Variants in RBFOX1 observed in about 807,000 individuals in gnomAD.
RBFOX1 encodes the protein RNA binding fox-1 homolog 1.
In RBFOX1, 8 loss-of-function variants were observed where a neutral mutation model predicts 57.7. That is an observed-to-expected ratio of 0.14 (90% CI 0.08 to 0.25). The LOEUF (loss-of-function observed/expected upper bound fraction) is 0.25, where lower values mean the gene tolerates loss of function less well. Among genes scored for constraint, RBFOX1 ranks in the 10% least tolerant of loss-of-function variants. The probability of loss-of-function intolerance (pLI) is 1.00; values close to 1 mark genes in which losing one functional copy is unlikely to be tolerated. For synonymous variants in RBFOX1, 326 were observed against 222.4 expected, an observed-to-expected ratio of 1.47 and a Z score of -4.15; for missense variants, 611 against 548.5, an observed-to-expected ratio of 1.11 and a Z score of -1.14.
chr16:5,576,316 G>A (rs1003427613), intron 2 of RBFOX1, among the ~76,000 whole-genome samples: 1 of 152,040 alleles, frequency 6.6e-6, no homozygotes, highest in African/African-American at 2.4e-5. Flanking sequence ...TTTTGATGGG[G>A]TCCTGTTAAG....
At position 7,060,820 on chromosome 16, in the gene RBFOX1, T is replaced by G. The variant is rs2054011488; in HGVS notation, c.27+8722T>G. ...AGAAAAGTCTGGTAAGTTCCCTCTC[T>G]GGATTGTTCTGTCCTCAAAAGCATT... On this transcript the variant is annotated intron_variant, in intron 4 of 15. Coordinates refer to ENST00000550418, the MANE Select transcript of RBFOX1 (RefSeq NM_018723.4). Among the ~76,000 whole-genome samples the G allele has an allele frequency of 2.6e-5, 4 of 152,216 alleles. No homozygotes were observed. The South Asian group carries it at 8.3e-4, about 32-fold the overall frequency.
intron 3 of RBFOX1, among the ~76,000 whole-genome samples, chr16:6,660,411 A>T (rs1198764491): frequency 2.0e-5 from 3 of 152,096 alleles, no homozygotes; most frequent in Admixed American, 2.0e-4. Flanking sequence ...AAACATAAAA[A>T]AGTAATTCTT....
intron 3 of RBFOX1, among the ~76,000 whole-genome samples, chr16:6,779,020 A>G (rs958868581): frequency 6.6e-6 from 1 of 151,936 alleles, no homozygotes; most frequent in South Asian, 2.1e-4. Flanking sequence ...CAAACATTCC[A>G]AAACTACTAC....
At chr16:6,517,031 A>G (rs971066154) in intron 2 of RBFOX1, among the ~76,000 whole-genome samples, 1 of 152,162 alleles carries the variant, frequency 6.6e-6, no homozygotes, top group African/African-American at 2.4e-5. Flanking sequence ...CATCAACATA[A>G]TGAATGTTCC....
intron 4 of RBFOX1, among the ~76,000 whole-genome samples, chr16:7,158,981 C>T (rs761296680): frequency 3.3e-5 from 5 of 152,094 alleles, no homozygotes; most frequent in Non-Finnish European, 7.3e-5. Flanking sequence ...ACAGTTCCAT[C>T]ACCACAAGGA....
intron 3 of RBFOX1, among the ~76,000 whole-genome samples, chr16:6,930,690 G>T (rs2076359244): frequency 6.6e-6 from 1 of 152,148 alleles, no homozygotes; most frequent in South Asian, 2.1e-4. Context: ...GATTACAGGT[G>T]TTAGCCCCTG....
intron 4 of RBFOX1, among the ~76,000 whole-genome samples, chr16:7,334,353 C>G (rs886819022): frequency 3.9e-5 from 6 of 152,042 alleles, no homozygotes; most frequent in African/African-American, 7.2e-5. Context: ...ATACACAGGC[C>G]GGTATGATAA....
intron 4 of RBFOX1, among the ~76,000 whole-genome samples, chr16:7,091,331 T>C (rs1427836724): frequency 1.3e-5 from 2 of 152,126 alleles, no homozygotes; most frequent in Non-Finnish European, 2.9e-5. Context: ...TTCTTCACTT[T>C]ATCGTTTCAC....
rs377653141 is a variant in RBFOX1 at position 6,253,675 on chromosome 16, A to ATGTGTGTGTG, written c.-126-63304_-126-63295dup. On this transcript the variant is annotated intron_variant, in intron 1 of 15. Transcript: ENST00000550418. ...AAGAAATAGATGTGTGTGTGTGTGC[A>ATGTGTGTGTG]TGTGTGTGTGTGTGTGTGTGTGTGT... Among the ~76,000 whole-genome samples, 420 of 144,994 alleles carry ATGTGTGTGTG rather than the reference A, an allele frequency of 2.9e-3. 2 individuals are homozygous for ATGTGTGTGTG. Among genetic ancestry groups the ATGTGTGTGTG allele is most frequent in the Non-Finnish European group, 4.5e-3 (300 of 66,346 alleles).
chr16:5,736,295 G>C (rs1191159047), intron 3 of RBFOX1, among the ~76,000 whole-genome samples: 2 of 152,162 alleles, frequency 1.3e-5, no homozygotes, highest in Non-Finnish European at 2.9e-5. Context: ...TTAGAATTCT[G>C]AGCTGCCTCC....
intron 10 of RBFOX1, 91 bp from the exon 11 acceptor site, chr16:7,630,512 T>G: frequency 2.5e-6 from 4 of 1,570,612 alleles, no homozygotes; most frequent in Non-Finnish European, 3.4e-6. Context: ...ATGTTTTCAT[T>G]TCTCTGCATT....
intron 1 of RBFOX1, among the ~76,000 whole-genome samples, chr16:5,437,028 C>T (rs149256359): frequency 1.1e-3 from 168 of 152,254 alleles, no homozygotes; most frequent in Middle Eastern, 6.8e-3. Context: ...CTACAGGCTG[C>T]AAGAGACAGG....
intron 3 of RBFOX1, among the ~76,000 whole-genome samples, chr16:6,986,184 T>TTTTATTTATTTA (rs201088154): frequency 0.081 from 11,744 of 144,122 alleles, 563 homozygotes; most frequent in East Asian, 0.12. Flanking sequence ...CAATTTCTAT[T>TTTTATTTATTTA]TTTATTTATT....
At chr16:5,610,929 A>G (rs1391239131) in intron 3 of RBFOX1, among the ~76,000 whole-genome samples, 2 of 152,150 alleles carry the variant, frequency 1.3e-5, no homozygotes, top group Non-Finnish European at 2.9e-5. Context: ...CTGGCTGAGC[A>G]TTTTAACACT....
intron 1 of RBFOX1, among the ~76,000 whole-genome samples, chr16:6,246,076 C>T (rs2097567575): frequency 6.6e-6 from 1 of 152,060 alleles, no homozygotes; most frequent in Admixed American, 6.6e-5. Context: ...TAACAGAAAC[C>T]CAGTTTACAG....
At chr16:7,537,343 G>C (rs1282411157) in intron 5 of RBFOX1, among the ~76,000 whole-genome samples, 1 of 152,174 alleles carries the variant, frequency 6.6e-6, no homozygotes, top group Non-Finnish European at 1.5e-5. Flanking sequence ...ATTTGGGACG[G>C]TATAGTCCCT....
intron 3 of RBFOX1, among the ~76,000 whole-genome samples, chr16:6,801,909 C>T (rs958804876): frequency 3.9e-5 from 6 of 152,048 alleles, no homozygotes; most frequent in South Asian, 2.1e-4. Context: ...GATCTGAGTC[C>T]TGAGGACCTT....
intron 1 of RBFOX1, among the ~76,000 whole-genome samples, chr16:5,466,543 C>A (rs1045059629): frequency 2.0e-5 from 3 of 152,168 alleles, no homozygotes; most frequent in African/African-American, 7.2e-5. Context: ...TGTGTGTGCC[C>A]TCTGGGAATC....
At chr16:5,487,411 G>C (rs2042665115) in intron 2 of RBFOX1, among the ~76,000 whole-genome samples, 1 of 152,206 alleles carries the variant, frequency 6.6e-6, no homozygotes, top group Non-Finnish European at 1.5e-5. Flanking sequence ...GAGAGTTTCA[G>C]ATCTTGCAGA....
Sources: gnomAD v4.1 joint callset for allele counts (sites outside exome capture counted in the v4.1 genomes callset) on GRCh38, gnomAD v4.1.1 for gene constraint, MANE v1.5 for transcripts, NCBI Gene and HGNC (gene_info 2026-07-23, HGNC 2026-07-21) for gene names.